The following TBL1X variants were observed in gnomAD, a reference collection of about 807,000 sequenced individuals.
TBL1X encodes transducin beta like 1 X-linked, also known as F-box-like/WD repeat-containing protein TBL1X.
A neutral mutation model predicts 50.7 loss-of-function variants in TBL1X; 10 were observed. The ratio of observed to expected loss-of-function variants is 0.20; its 90% CI spans 0.12 to 0.33. The LOEUF (loss-of-function observed/expected upper bound fraction) is 0.33, where lower values mean the gene tolerates loss of function less well. TBL1X is among the 10% of genes least tolerant of loss of function. The pLI, the probability that TBL1X is intolerant of heterozygous loss-of-function variation, is 1.00. For synonymous variants in TBL1X, 190 were observed against 214.7 expected, an observed-to-expected ratio of 0.88 and a Z score of 1.01; for missense variants, 340 against 504.4, an observed-to-expected ratio of 0.67 and a Z score of 3.12.
intron 1 of TBL1X, among the ~76,000 whole-genome samples, chrX:9,493,514 C>T (rs1159805511): frequency 8.9e-6 from 1 of 111,760 alleles, no homozygotes; most frequent in African/African-American, 3.3e-5. Context: ...ATAACCCAAG[C>T]ACTTTGGGAA....
At chrX:9,527,647 G>T (rs2082139290) in intron 2 of TBL1X, among the ~76,000 whole-genome samples, 1 of 111,268 alleles carries the variant, frequency 9.0e-6, no homozygotes, top group East Asian at 2.8e-4. Context: ...ATATTTTGTG[G>T]TTTTTAAACC....
chrX:9,473,040 C>T (rs1367917500), intron 1 of TBL1X, among the ~76,000 whole-genome samples: 1 of 111,646 alleles, frequency 9.0e-6, no homozygotes, highest in East Asian at 2.8e-4. Flanking sequence ...CTTTAGTTGT[C>T]ACTGTTACCT....
chrX:9,620,248 G>T (rs1356517146), intron 2 of TBL1X, among the ~76,000 whole-genome samples: 1 of 112,349 alleles, frequency 8.9e-6, no homozygotes, highest in East Asian at 2.8e-4. Flanking sequence ...GCAGTGTTCC[G>T]TGGGGTTGTG....
At chrX:9,683,986 C>T (rs752654008) in intron 5 of TBL1X, 57 bp from the exon 6 acceptor site, 7 of 1,207,358 alleles carry the variant, frequency 5.8e-6, no homozygotes, top group African/African-American at 1.7e-5. Context: ...TCAATGGCTG[C>T]ACCTCCCTCC....
chrX:9,590,373 TAA>T (rs199833403), intron 2 of TBL1X, among the ~76,000 whole-genome samples: 5 of 109,301 alleles, frequency 4.6e-5, no homozygotes, highest in Admixed American at 9.8e-5. Flanking sequence ...TTTTTTTTTT[TAA>T]AAAAGTCAGA....
At position 9,717,454 on chromosome X, in the gene TBL1X, C is replaced by G. The variant is rs191572976; in HGVS notation, c.*1208C>G. On this transcript the variant is annotated 3_prime_UTR_variant, in exon 18 of 18. Transcript: ENST00000645353. ...GACAAGGGTCAGTCTTCGGGGTCAG[C>G]AGCGAGATTGCTCTGCAGCCAGTGA... 58 of 111,866 alleles carry G rather than the reference C, an allele frequency of 5.2e-4. No homozygotes were observed. The highest frequency in any genetic ancestry group is 1.8e-3 in the African/African-American group (54 of 30,824). The allele number at this position is 111,866 out of a possible 1,213,427, so 9.2% of individuals were successfully genotyped here.
intron 6 of TBL1X, among the ~76,000 whole-genome samples, chrX:9,684,598 T>A (rs370323082): frequency 7.0e-4 from 36 of 51,258 alleles, no homozygotes; most frequent in Non-Finnish European, 7.9e-4. Flanking sequence ...TCTCTAAAAT[T>A]AAAAAAAAAA....
intron 2 of TBL1X, chrX:9,636,397 T>C (rs769741101): frequency 9.0e-6 from 1 of 110,726 alleles, no homozygotes; most frequent in South Asian, 3.9e-4. Context: ...CATCTCTATA[T>C]TTAAAAAAAA....
At chrX:9,596,966 A>G (rs2082529769) in intron 2 of TBL1X, among the ~76,000 whole-genome samples, 1 of 111,414 alleles carries the variant, frequency 9.0e-6, no homozygotes, top group African/African-American at 3.3e-5. Context: ...GGAGGACCCT[A>G]AAGCCCATGG....
chrX:9,577,446 G>A (rs917942667), intron 2 of TBL1X, among the ~76,000 whole-genome samples: 3 of 111,558 alleles, frequency 2.7e-5, no homozygotes, highest in African/African-American at 9.8e-5. Context: ...GCTCAAAACC[G>A]CTGGTACTGA....
intron 2 of TBL1X, among the ~76,000 whole-genome samples, chrX:9,627,620 G>T (rs1184477226): frequency 8.9e-6 from 1 of 112,593 alleles, no homozygotes. Context: ...TTGTGCATTG[G>T]AAATTGTTTG....
At chrX:9,484,608 C>T (rs1022934189) in intron 1 of TBL1X, among the ~76,000 whole-genome samples, 4 of 111,331 alleles carry the variant, frequency 3.6e-5, no homozygotes, top group East Asian at 2.8e-4. Context: ...TCTATTGCTG[C>T]GTAGGATTCC....
Position 9,684,598 on chromosome X carries a change from T to TAAAAAAAAAAAAA in TBL1X, c.357+416_357+428dup, listed in dbSNP as rs3043994. 4.9e-3 allele frequency among the ~76,000 whole-genome samples: 251 copies of TAAAAAAAAAAAAA among 51,254 alleles called. 16 individuals are homozygous for TAAAAAAAAAAAAA. Among genetic ancestry groups the TAAAAAAAAAAAAA allele is most frequent in the African/African-American group, 0.017 (204 of 12,003 alleles). 44.5% of individuals were successfully genotyped at this position (51,254 alleles called of 115,157 possible). Reference sequence around the variant, plus strand: ...TGCAGTGAGACTCCATCTCTAAAATTAAAAAAAAAAAAAAAAAAGGAAGAA... The same window carrying TAAAAAAAAAAAAA: ...TGCAGTGAGACTCCATCTCTAAAATTAAAAAAAAAAAAAAAAAAAAAAAAAAAAAAAGGAAGAA... On this transcript the variant is annotated intron_variant, in intron 6 of 17. Transcript: ENST00000645353.
At chrX:9,507,551 A>C (rs1373386900) in intron 2 of TBL1X, among the ~76,000 whole-genome samples, 2 of 112,383 alleles carry the variant, frequency 1.8e-5, no homozygotes, top group Non-Finnish European at 3.8e-5. Flanking sequence ...TGTTCCTGTC[A>C]AACTACCATT....
chrX:9,716,719 T>C lies in TBL1X; in HGVS notation c.*473T>C, dbSNP rs910540476. 5 of 113,689 alleles carry C rather than the reference T, an allele frequency of 4.4e-5. No homozygotes were observed. Among genetic ancestry groups the C allele is most frequent in the African/African-American group, 1.6e-4 (5 of 30,566 alleles). 9.4% of individuals were successfully genotyped at this position (113,689 alleles called of 1,213,427 possible). A position where few individuals can be genotyped will look rare whatever the true frequency, so the allele number is the denominator to read the frequency against. ...CTACAATTGCTCTCACAAAGGAGGT[T>C]CAAAGACCAGTTTGTACCGATGAAA... On this transcript the variant is annotated 3_prime_UTR_variant, in exon 18 of 18. Transcript: ENST00000645353.
At chrX:9,524,812 C>T (rs1034854497) in intron 2 of TBL1X, among the ~76,000 whole-genome samples, 1 of 112,134 alleles carries the variant, frequency 8.9e-6, no homozygotes, top group African/African-American at 3.2e-5. Context: ...AGTGCAGTGG[C>T]ACGATCGTGA....
At chrX:9,699,965 A>G (rs1264612821) in intron 12 of TBL1X, among the ~76,000 whole-genome samples, 1 of 112,190 alleles carries the variant, frequency 8.9e-6, no homozygotes, top group East Asian at 2.8e-4. Context: ...CAATGCAGGT[A>G]GCACGTGTAC....
At chrX:9,600,356 G>A (rs1331899707) in intron 2 of TBL1X, among the ~76,000 whole-genome samples, 1 of 103,711 alleles carries the variant, frequency 9.6e-6, no homozygotes, top group Non-Finnish European at 1.9e-5. Flanking sequence ...CCTTTGATAA[G>A]GCACTAATCC....
At chrX:9,503,858 C>T (rs753136837) in intron 2 of TBL1X, among the ~76,000 whole-genome samples, 44 of 112,738 alleles carry the variant, frequency 3.9e-4, no homozygotes, top group African/African-American at 1.3e-3. Flanking sequence ...AGCTTTTCCT[C>T]CTGGTAGTTC....
Sources: allele counts gnomAD v4.1 joint callset (sites outside exome capture counted in the v4.1 genomes callset), GRCh38; gene constraint gnomAD v4.1.1; transcripts MANE v1.5; gene names NCBI Gene and HGNC (gene_info 2026-07-23, HGNC 2026-07-21).